Variants in AUTS2 observed in about 807,000 individuals in gnomAD.
The protein encoded by AUTS2 is autism susceptibility gene 2 protein.
In AUTS2, 17 loss-of-function variants were observed where a neutral mutation model predicts 112.4. That is an observed-to-expected ratio of 0.15 (90% confidence interval 0.10 to 0.23). AUTS2 has a LOEUF of 0.23. Ranked by LOEUF, AUTS2 falls within the 10% of genes least tolerant of loss-of-function variation. AUTS2 has a pLI of 1.00. For missense variants in AUTS2, 1,510 were observed against 1,701.6 expected (o/e 0.89, Z 1.98); for synonymous variants, 751 against 702.7 (o/e 1.07, Z -1.09).
Position 70,778,311 on chromosome 7 carries a change from G to A in AUTS2, c.2004+1137G>A, listed in dbSNP as rs144260395. Among the ~76,000 whole-genome samples, 17 of 152,292 alleles carry A rather than the reference G, an allele frequency of 1.1e-4. No individual in the cohort carries two copies. The East Asian group carries it at 3.1e-3, about 28-fold the overall frequency. On this transcript the variant is annotated intron_variant, in intron 14 of 18. Transcript: ENST00000342771. The stretch of plus-strand genomic sequence containing the variant: ...ACAAGCAATCAAGTAACTCCAATAA[G>A]CTTCACTTAATCCATTTCTTCATGA...
rs575302116 is a variant in AUTS2, at chr7:70,624,900, G to GT, written c.691-73662dup. On this transcript the variant is annotated intron_variant, in intron 5 of 18. Coordinates refer to ENST00000342771, the MANE Select transcript of AUTS2 (RefSeq NM_015570.4). The stretch of plus-strand genomic sequence containing the variant: ...CATGGCACTGTGTAAGTCCCCATAG[G>GT]TTTTTTTCTCTGCCAGTGAGAGAGA... 2.3e-3 allele frequency among the ~76,000 whole-genome samples: 350 copies of GT among 152,250 alleles called. 1 individual carries two copies. Among genetic ancestry groups the GT allele is most frequent in the African/African-American group, 7.2e-3 (298 of 41,548 alleles).
At chr7:70,004,071 A>G (rs1478796084) in intron 2 of AUTS2, among the ~76,000 whole-genome samples, 2 of 128,978 alleles carry the variant, frequency 1.6e-5, no homozygotes, top group African/African-American at 5.7e-5. Context: ...TATATATATT[A>G]TATATGAATG....
intron 2 of AUTS2, among the ~76,000 whole-genome samples, chr7:70,082,032 T>C (rs989630145): frequency 2.0e-5 from 3 of 151,334 alleles, no homozygotes; most frequent in Non-Finnish European, 4.4e-5. Flanking sequence ...GTGTGTGTGT[T>C]TAAAATTTAG....
chr7:70,094,497 C>A (rs1209754827), intron 2 of AUTS2, among the ~76,000 whole-genome samples: 1 of 152,230 alleles, frequency 6.6e-6, no homozygotes, highest in East Asian at 1.9e-4. Flanking sequence ...CGGTCTGTGT[C>A]TGTTTTCTTC....
intron 2 of AUTS2, among the ~76,000 whole-genome samples, chr7:70,090,801 C>G (rs1014144769): frequency 5.3e-5 from 8 of 151,514 alleles, no homozygotes; most frequent in African/African-American, 1.9e-4. Flanking sequence ...GCCTCAGCCT[C>G]CTGAGCAGCT....
chr7:70,716,993 TA>T (rs145009809), intron 6 of AUTS2, among the ~76,000 whole-genome samples: 2,704 of 83,802 alleles, frequency 0.032, 86 homozygotes, highest in African/African-American at 0.11. Flanking sequence ...TCAGTGGAGT[TA>T]TTTTTTTTTT....
intron 5 of AUTS2, among the ~76,000 whole-genome samples, chr7:70,564,820 C>A (rs1801635080): frequency 6.6e-6 from 1 of 152,068 alleles, no homozygotes; most frequent in South Asian, 2.1e-4. Flanking sequence ...AAAAATTAGG[C>A]CAGGCACGGT....
chr7:69,778,814 C>A (rs1318001434), intron 1 of AUTS2, among the ~76,000 whole-genome samples: 1 of 151,948 alleles, frequency 6.6e-6, no homozygotes, highest in Non-Finnish European at 1.5e-5. Flanking sequence ...TCACCACCAT[C>A]AATAATAAGC....
chr7:70,228,243 A>G (rs532832496), intron 4 of AUTS2, among the ~76,000 whole-genome samples: 24 of 151,550 alleles, frequency 1.6e-4, no homozygotes, highest in Non-Finnish European at 3.0e-4. Context: ...ATTAAACTAC[A>G]TTTAATTTGT....
At chr7:70,241,823 T>A (rs1182929557) in intron 4 of AUTS2, among the ~76,000 whole-genome samples, 1 of 152,160 alleles carries the variant, frequency 6.6e-6, no homozygotes, top group African/African-American at 2.4e-5. Context: ...AAGCTTTGAT[T>A]TACAGAGAAA....
intron 1 of AUTS2, among the ~76,000 whole-genome samples, chr7:69,633,840 G>T (rs552370634): frequency 6.6e-6 from 1 of 151,926 alleles, no homozygotes; most frequent in South Asian, 2.1e-4. Context: ...TATACACTTT[G>T]CATATTAACT....
At chr7:70,486,001 T>TAATAAATA (rs71530002) in intron 5 of AUTS2, among the ~76,000 whole-genome samples, 1 of 122,436 alleles carries the variant, frequency 8.2e-6, no homozygotes, top group Non-Finnish European at 1.9e-5. Flanking sequence ...AATAAATAAA[T>TAATAAATA]AATAAATAAA....
intron 5 of AUTS2, among the ~76,000 whole-genome samples, chr7:70,497,839 C>G (rs777573543): frequency 1.1e-4 from 16 of 152,252 alleles, no homozygotes; most frequent in African/African-American, 3.6e-4. Flanking sequence ...GTCTCAGACA[C>G]GCAGAGACCA....
chr7:69,643,919 G>A (rs1191077664), intron 1 of AUTS2, among the ~76,000 whole-genome samples: 1 of 152,108 alleles, frequency 6.6e-6, no homozygotes, highest in African/African-American at 2.4e-5. Context: ...ACTCAACCTG[G>A]GCAACAGAGT....
intron 1 of AUTS2, among the ~76,000 whole-genome samples, chr7:69,614,356 C>CTTTCT (rs1554334348): frequency 4.9e-4 from 41 of 82,890 alleles, no homozygotes; most frequent in South Asian, 8.9e-4. Context: ...TTCTTTCTTT[C>CTTTCT]TTTCTTTCTT....
chr7:70,180,667 A>G (rs897579271), intron 4 of AUTS2, among the ~76,000 whole-genome samples: 5 of 152,040 alleles, frequency 3.3e-5, no homozygotes, highest in African/African-American at 4.8e-5. Context: ...CTTGCTGCCC[A>G]GTTTGGCTCA....
At chr7:70,035,453 T>C (rs1025736658) in intron 2 of AUTS2, among the ~76,000 whole-genome samples, 2 of 152,098 alleles carry the variant, frequency 1.3e-5, no homozygotes, top group African/African-American at 2.4e-5. Flanking sequence ...GGAGTGGAGG[T>C]TCTGAGGCAT....
At chr7:70,786,128 A>G in intron 17 of AUTS2, 90 bp downstream of exon 17, 1 of 1,161,900 alleles carries the variant, frequency 8.6e-7, no homozygotes, top group Non-Finnish European at 1.3e-6. Flanking sequence ...AGAAAAGGAA[A>G]CTATGCTCTG....
chr7:70,134,886 T>G (rs932515929), intron 4 of AUTS2, among the ~76,000 whole-genome samples: 1 of 152,154 alleles, frequency 6.6e-6, no homozygotes, highest in Non-Finnish European at 1.5e-5. Context: ...AATTACTTTT[T>G]TAGTAAGAAG....
Sources: gnomAD v4.1 joint callset for allele counts (sites outside exome capture counted in the v4.1 genomes callset) on GRCh38, gnomAD v4.1.1 for gene constraint, MANE v1.5 for transcripts, NCBI Gene and HGNC (gene_info 2026-07-23, HGNC 2026-07-21) for gene names.